The following SERPINA3 variants were observed in gnomAD, a reference collection of about 807,000 sequenced individuals.
SERPINA3 encodes the protein alpha-1-antichymotrypsin.
A neutral mutation model predicts 26.8 loss-of-function variants in SERPINA3; 32 were observed. The ratio of observed to expected loss-of-function variants is 1.20; its 90% CI spans 0.90 to 1.61. The LOEUF (loss-of-function observed/expected upper bound fraction) is 1.61, where lower values mean the gene tolerates loss of function less well. Ranked by LOEUF, SERPINA3 falls within the 40% of genes most tolerant of loss-of-function variation. SERPINA3 has a pLI of 0.00. For missense variants in SERPINA3, 632 were observed against 517.9 expected, an observed-to-expected ratio of 1.22 and a Z score of -2.14; for synonymous variants, 252 against 206.4, an observed-to-expected ratio of 1.22 and a Z score of -1.89.
chr14:94,615,494 T>C (rs1434669494), intron 2 of SERPINA3: 3 of 458,946 alleles, frequency 6.5e-6, no homozygotes, highest in South Asian at 3.1e-5. Context: ...GCTCCTGCCC[T>C]GCACATGTGG....
chr14:94,619,385 C>T lies in SERPINA3; in HGVS notation c.834C>T (p.Leu278=), dbSNP rs761690204. ...GCAATGCCAGCGCACTCTTCATCCT[C>T]CCTGATCAAGACAAGATGGAGGAAG... The part of the protein sequence containing the change: ...YTGNASALFI[L]PDQDKMEEVE... The change falls in exon 3 of 5, where the codon CTC becomes CTT. Residue 278 remains leucine (L), a synonymous_variant. Coordinates refer to ENST00000393078, the MANE Select transcript of SERPINA3 (RefSeq NM_001085.5). 10 of 1,614,148 alleles carry T rather than the reference C, an allele frequency of 6.2e-6. No individual in the cohort carries two copies. Among genetic ancestry groups the T allele is most frequent in the Non-Finnish European group, 7.6e-6 (9 of 1,179,996 alleles).
At chr14:94,623,537 A>G in intron 4 of SERPINA3, 74 bp from the exon 5 acceptor site, 1 of 1,370,204 alleles carries the variant, frequency 7.3e-7, no homozygotes, top group Admixed American at 1.7e-5. Flanking sequence ...TAGACCCCTT[A>G]GTGGCACACA....
At chr14:94,621,424 G>A in intron 3 of SERPINA3, among the ~76,000 whole-genome samples, 1 of 151,988 alleles carries the variant, frequency 6.6e-6, no homozygotes, top group Non-Finnish European at 1.5e-5. Context: ...ACACATGAAT[G>A]AATGAATAAA....
At position 94,619,221 on chromosome 14, in the gene SERPINA3, C is replaced by A; in HGVS notation, c.670C>A (p.Gln224Lys). ...CAAATGGGAGATGCCCTTTGACCCCCAAGATACTCATCAGTCAAGGTTCTA... is the reference window on the plus strand; with the variant it reads ...CAAATGGGAGATGCCCTTTGACCCCAAAGATACTCATCAGTCAAGGTTCTA... Reference protein sequence around the residue: ...KAKWEMPFDPQDTHQSRFYLS... With the variant: ...KAKWEMPFDPKDTHQSRFYLS... Residue 224 changes from glutamine (Q) to lysine (K), a missense_variant, in exon 3 of 5, where the codon CAA (glutamine) becomes AAA (lysine). Coordinates refer to ENST00000393078, the MANE Select transcript of SERPINA3 (RefSeq NM_001085.5). The A allele has an allele frequency of 6.2e-7, 1 of 1,614,160 alleles. No homozygotes were observed. Among genetic ancestry groups the A allele is most frequent in the Non-Finnish European group, 8.5e-7 (1 of 1,180,034 alleles).
intron 2 of SERPINA3, chr14:94,615,563 C>T: frequency 2.5e-6 from 1 of 406,904 alleles, no homozygotes; most frequent in Middle Eastern, 5.1e-4. Flanking sequence ...GGGGCTGGGG[C>T]CATCTTCACA....
chr14:94,614,679 A>C lies in SERPINA3; in HGVS notation c.238A>C (p.Ile80Leu), dbSNP rs778805359. 3 of 1,613,968 alleles carry C rather than the reference A, an allele frequency of 1.9e-6. No individual in the cohort carries two copies. In the African/African-American group the frequency reaches 4.0e-5, roughly 22 times the overall value. ...GAATGTCATCTTCTCCCCACTGAGC[A>C]TCTCCACCGCCTTGGCCTTCCTGTC... ...DKNVIFSPLSISTALAFLSLG... is the reference protein window; with the variant it reads ...DKNVIFSPLSLSTALAFLSLG... Residue 80 changes from isoleucine to leucine, a missense_variant, in exon 2 of 5, where the codon ATC becomes CTC. By Grantham distance (5) the Ile-to-Leu change is conservative. Coordinates refer to ENST00000393078, the MANE Select transcript of SERPINA3 (RefSeq NM_001085.5).
chr14:94,621,358 C>T lies in SERPINA3; in HGVS notation c.918-983C>T, dbSNP rs146656375. ...GAAACATGTGTCCACACACTCCTGGCCCACAGAGAATGCTCAATAGATACT... is the reference window on the plus strand; with the variant it reads ...GAAACATGTGTCCACACACTCCTGGTCCACAGAGAATGCTCAATAGATACT... On this transcript the variant is annotated intron_variant, in intron 3 of 4. Transcript: ENST00000393078. Among the ~76,000 whole-genome samples the T allele has an allele frequency of 6.6e-5, 10 of 152,268 alleles. No homozygotes were observed. In the East Asian group the frequency reaches 1.9e-3, roughly 29 times the overall value.
rs929299041 is a variant in SERPINA3, at chr14:94,614,643, G to A, written c.202G>A (p.Ala68Thr). The change falls in exon 2 of 5, where the codon GCC (alanine) becomes ACC (threonine). Residue 68 changes from alanine to threonine, a missense_variant. By Grantham distance (58) the Ala-to-Thr change is moderately conservative (BLOSUM62 0). Transcript: ENST00000393078. ...CCTGTACAAGCAGTTAGTCCTGAAG[G>A]CCCCTGATAAGAATGTCATCTTCTC... Reference protein sequence around the residue: ...FSLYKQLVLKAPDKNVIFSPL... With the variant: ...FSLYKQLVLKTPDKNVIFSPL... 3.7e-6 allele frequency: 6 copies of A among 1,614,076 alleles called. No homozygotes were observed. The highest frequency in any genetic ancestry group is 4.2e-6 in the Non-Finnish European group (5 of 1,180,004).
intron 4 of SERPINA3, among the ~76,000 whole-genome samples, chr14:94,622,966 C>T (rs1886260947): frequency 6.6e-6 from 1 of 152,206 alleles, no homozygotes; most frequent in African/African-American, 2.4e-5. Flanking sequence ...TTACTAAAAG[C>T]AGAGGCGCCA....
At chr14:94,617,148 A>G (rs1361736374) in intron 2 of SERPINA3, among the ~76,000 whole-genome samples, 1 of 152,164 alleles carries the variant, frequency 6.6e-6, no homozygotes, top group East Asian at 1.9e-4. Flanking sequence ...CTGCCCTCAC[A>G]TGGAGGCCAC....
At chr14:94,619,567 G>C in intron 3 of SERPINA3, 99 bp downstream of exon 3, 1 of 1,463,420 alleles carries the variant, frequency 6.8e-7, no homozygotes, top group South Asian at 1.2e-5. Context: ...CTCATACAGG[G>C]ACAGGTGGAA....
Position 94,614,519 on chromosome 14 carries a change from C to T in SERPINA3, c.78C>T (p.Asn26=), listed in dbSNP as rs1885908210. ...GFCPAVLCHP[N]SPLDEENLTQ... ...GCCCTGCTGTCCTCTGCCACCCTAA[C>T]AGCCCACTTGACGAGGAGAATCTGA... The change falls in exon 2 of 5, where the codon AAC becomes AAT. Residue 26 remains asparagine (N), a synonymous_variant. Coordinates refer to ENST00000393078, the MANE Select transcript of SERPINA3 (RefSeq NM_001085.5). The T allele has an allele frequency of 3.1e-6, 5 of 1,613,992 alleles. No homozygotes were observed. In the East Asian group the frequency reaches 6.7e-5, roughly 22 times the overall value.
intron 3 of SERPINA3, chr14:94,619,768 G>C (rs1419579788): frequency 2.1e-6 from 1 of 465,258 alleles, no homozygotes; most frequent in Admixed American, 3.4e-5. Context: ...TCAATCTCTT[G>C]AAGGGAGAGA....
chr14:94,622,655 C>T (rs1272859662), intron 4 of SERPINA3, 164 bp downstream of exon 4: 5 of 745,976 alleles, frequency 6.7e-6, no homozygotes, highest in Non-Finnish European at 1.2e-5. Context: ...AGCTAGGTTA[C>T]AGCCCAGCTC....
chr14:94,619,123 T>C lies in SERPINA3; in HGVS notation c.644-72T>C, dbSNP rs1886099689. ...TATGAGGGACTCTGGGCACTTCCAC[T>C]GCTGCGGAAGCAGGGTCGAGCAGGG... On this transcript the variant is annotated intron_variant, in intron 2 of 4. Transcript: ENST00000393078. 4 of 1,572,398 alleles carry C rather than the reference T, an allele frequency of 2.5e-6. No homozygotes were observed. The East Asian group carries it at 9.0e-5, about 35-fold the overall frequency.
rs1328453443 is a variant in SERPINA3, at chr14:94,614,656, A to G, written c.215A>G (p.Asn72Ser). Residue 72 changes from asparagine to serine, a missense_variant, in exon 2 of 5, where the codon AAT becomes AGT. Physicochemically the swap from Asn to Ser is conservative, Grantham distance 46. Coordinates refer to ENST00000393078, the MANE Select transcript of SERPINA3 (RefSeq NM_001085.5). ...KQLVLKAPDK[N>S]VIFSPLSIST... ...TTAGTCCTGAAGGCCCCTGATAAGAATGTCATCTTCTCCCCACTGAGCATC... is the reference window on the plus strand; with the variant it reads ...TTAGTCCTGAAGGCCCCTGATAAGAGTGTCATCTTCTCCCCACTGAGCATC... The G allele has an allele frequency of 6.2e-7, 1 of 1,613,818 alleles. No homozygotes were observed. The highest frequency in any genetic ancestry group is 1.3e-5 in the African/African-American group (1 of 74,820).
intron 3 of SERPINA3, 90 bp downstream of exon 3, chr14:94,619,558 T>C (rs183197585): frequency 1.5e-4 from 232 of 1,502,410 alleles, no homozygotes; most frequent in Non-Finnish European, 2.0e-4. Context: ...GTGGGAGAAC[T>C]CATACAGGGA....
In SERPINA3 at chr14:94,614,509, G is replaced by A; in HGVS notation, c.68G>A (p.Cys23Tyr). The A allele has an allele frequency of 3.1e-6, 5 of 1,613,958 alleles. No homozygotes were observed. The highest frequency in any genetic ancestry group is 4.2e-6 in the Non-Finnish European group (5 of 1,179,890). The change falls in exon 2 of 5, where the codon TGC becomes TAC. Residue 23 changes from cysteine (C) to tyrosine (Y), a missense_variant. Coordinates refer to ENST00000393078, the MANE Select transcript of SERPINA3 (RefSeq NM_001085.5). The part of the protein sequence containing the change: ...LAAGFCPAVL[C>Y]HPNSPLDEEN... ...GCTGGGTTCTGCCCTGCTGTCCTCTGCCACCCTAACAGCCCACTTGACGAG... is the reference window on the plus strand; with the variant it reads ...GCTGGGTTCTGCCCTGCTGTCCTCTACCACCCTAACAGCCCACTTGACGAG...
At position 94,619,238 on chromosome 14, in the gene SERPINA3, A is replaced by C. The variant is rs1236629584; in HGVS notation, c.687A>C (p.Ser229=). ...TTGACCCCCAAGATACTCATCAGTC[A>C]AGGTTCTACTTGAGCAAGAAAAAGT... ...MPFDPQDTHQ[S]RFYLSKKKWV... The change falls in exon 3 of 5, where the codon TCA becomes TCC. Residue 229 remains serine, a synonymous_variant. Coordinates refer to ENST00000393078, the MANE Select transcript of SERPINA3 (RefSeq NM_001085.5). The C allele has an allele frequency of 6.2e-7, 1 of 1,613,496 alleles. No homozygotes were observed. Among genetic ancestry groups the C allele is most frequent in the Non-Finnish European group, 8.5e-7 (1 of 1,179,510 alleles).
Sources: allele counts gnomAD v4.1 joint callset (sites outside exome capture counted in the v4.1 genomes callset), GRCh38; gene constraint gnomAD v4.1.1; transcripts MANE v1.5; gene names NCBI Gene and HGNC (gene_info 2026-07-23, HGNC 2026-07-21).